SCML1: variants seen among roughly 807,000 people sequenced by gnomAD.
SCML1 encodes the protein Scm polycomb group protein like 1, also known as sex comb on midleg-like protein 1.
For synonymous variants in SCML1, 104 were observed against 103.6 expected (o/e 1.00, Z -0.02); for missense variants, 137 against 258.1 (o/e 0.53, Z 3.22).
intron 1 of SCML1, chrX:17,738,123 TA>T (rs2066557013): frequency 8.9e-6 from 1 of 112,720 alleles, no homozygotes; most frequent in Admixed American, 9.3e-5. Flanking sequence ...GCGTTTGATT[TA>T]GAGACAGACT....
chrX:17,741,568 T>A (rs2066595323), intron 1 of SCML1, among the ~76,000 whole-genome samples: 1 of 112,341 alleles, frequency 8.9e-6, no homozygotes, highest in Non-Finnish European at 1.9e-5. Context: ...AGTGTGGTGG[T>A]AGACTGCACC....
intron 1 of SCML1, 192 bp from the exon 2 acceptor site, chrX:17,743,879 T>C (rs2066622023): frequency 9.0e-6 from 2 of 222,032 alleles, no homozygotes; most frequent in Non-Finnish European, 1.6e-5. Context: ...GATTCTTATT[T>C]CTAGTCATGA....
chrX:17,740,756 G>A (rs138498539), intron 1 of SCML1, among the ~76,000 whole-genome samples: 64 of 112,623 alleles, frequency 5.7e-4, no homozygotes, highest in African/African-American at 1.9e-3. Flanking sequence ...TTGCTTTTTG[G>A]AGGTGAAACT....
At position 17,752,450 on chromosome X, in the gene SCML1, C is replaced by T. The variant is rs766445724; in HGVS notation, c.855+484C>T. On this transcript the variant is annotated intron_variant, in intron 7 of 7. Coordinates refer to ENST00000380041, the MANE Select transcript of SCML1 (RefSeq NM_001037540.3). ...CCATTTACAAAGTAATATCCTAGGC[C>T]GAAGTTTTGTAAGTTCTAGTTTCTT... Among the ~76,000 whole-genome samples the T allele has an allele frequency of 2.7e-5, 3 of 112,042 alleles. No individual in the cohort carries two copies. In the South Asian group the frequency reaches 1.1e-3, roughly 41 times the overall value.
intron 1 of SCML1, among the ~76,000 whole-genome samples, chrX:17,742,502 G>A (rs1045980640): frequency 1.8e-5 from 2 of 112,202 alleles, no homozygotes; most frequent in African/African-American, 3.2e-5. Flanking sequence ...TTGGTACTAT[G>A]TATTATCTGT....
At chrX:17,738,278 C>A (rs1385830080) in intron 1 of SCML1, among the ~76,000 whole-genome samples, 1 of 112,263 alleles carries the variant, frequency 8.9e-6, no homozygotes, top group Non-Finnish European at 1.9e-5. Flanking sequence ...CGTGCGAGGG[C>A]CCGGCCCCCT....
At chrX:17,741,783 A>G in intron 1 of SCML1, among the ~76,000 whole-genome samples, 1 of 111,254 alleles carries the variant, frequency 9.0e-6, no homozygotes, top group Non-Finnish European at 1.9e-5. Flanking sequence ...ACCAGAAACA[A>G]ACTAAGAACC....
In SCML1 at chrX:17,754,278, C is replaced by A. The variant is rs1330939091; in HGVS notation, c.*886C>A. The A allele has an allele frequency of 8.9e-6, 1 of 111,913 alleles. No individual in the cohort carries two copies. The highest frequency in any genetic ancestry group is 1.9e-5 in the Non-Finnish European group (1 of 53,090). The allele number at this position is 111,913 out of a possible 1,213,427, so 9.2% of individuals were successfully genotyped here. A position where few individuals can be genotyped will look rare whatever the true frequency, so the allele number is the denominator to read the frequency against. ...ATATTTTATTCTCACCCGAAGTATTCACACAATCTTTTTAAAAAAAATTTG... is the reference window on the plus strand; with the variant it reads ...ATATTTTATTCTCACCCGAAGTATTAACACAATCTTTTTAAAAAAAATTTG... On this transcript the variant is annotated 3_prime_UTR_variant, in exon 8 of 8. Transcript: ENST00000380041.
intron 1 of SCML1, among the ~76,000 whole-genome samples, chrX:17,742,323 T>G (rs940150275): frequency 1.8e-5 from 2 of 112,184 alleles, no homozygotes; most frequent in African/African-American, 6.5e-5. Context: ...ATGTAAGATC[T>G]TAGAAATAGA....
chrX:17,750,300 T>C lies in SCML1; in HGVS notation c.703+7T>C, dbSNP rs2066696630. On this transcript the variant is annotated splice_region_variant and intron_variant, in intron 6 of 7. Transcript: ENST00000380041. ...TCTGCAGCACCACCTTCAGGTATGCTGGCCCAGGGAGAGCCCAATTTGGTA... is the reference window on the plus strand; with the variant it reads ...TCTGCAGCACCACCTTCAGGTATGCCGGCCCAGGGAGAGCCCAATTTGGTA... 8.4e-6 allele frequency: 10 copies of C among 1,191,189 alleles called. No individual in the cohort carries two copies. The highest frequency in any genetic ancestry group is 1.0e-5 in the Non-Finnish European group (9 of 884,751).
rs1789248055 is a variant in SCML1 at position 17,754,170 on chromosome X, C to T, written c.*778C>T. ...ATAACTACACTTTCATTGTTTGCAT[C>T]TCTCTATGAAGATACGTCTGTCCAA... is the stretch of plus-strand genomic sequence containing the variant. On this transcript the variant is annotated 3_prime_UTR_variant, in exon 8 of 8. Transcript: ENST00000380041. The T allele has an allele frequency of 9.0e-6, 1 of 111,480 alleles. No individual in the cohort carries two copies. The highest frequency in any genetic ancestry group is 9.5e-5 in the Admixed American group (1 of 10,486). 9.2% of individuals were successfully genotyped at this position (111,480 alleles called of 1,213,427 possible). A position where few individuals can be genotyped will look rare whatever the true frequency, so the allele number is the denominator to read the frequency against.
At chrX:17,741,240 G>A (rs773951747) in intron 1 of SCML1, among the ~76,000 whole-genome samples, 4 of 111,762 alleles carry the variant, frequency 3.6e-5, no homozygotes, top group Non-Finnish European at 5.6e-5. Flanking sequence ...CCTCGCATGT[G>A]CAGTTCACAA....
intron 6 of SCML1, among the ~76,000 whole-genome samples, chrX:17,750,851 C>T (rs2066701613): frequency 8.9e-6 from 1 of 112,626 alleles, no homozygotes; most frequent in Non-Finnish European, 1.9e-5. Context: ...GTTGATGGTC[C>T]TGGTTGGAGA....
Position 17,745,992 on chromosome X carries a change from A to C in SCML1, c.118-26A>C, listed in dbSNP as rs758633076. On this transcript the variant is annotated intron_variant, in intron 3 of 7. Coordinates refer to ENST00000380041, the MANE Select transcript of SCML1 (RefSeq NM_001037540.3). Reference sequence around the variant, plus strand: ...AGTTTGGCTGTTACAGAAATAAATCATTAACTACTTTTAAAATATTAGCAG... The same window carrying C: ...AGTTTGGCTGTTACAGAAATAAATCCTTAACTACTTTTAAAATATTAGCAG... 4 of 1,026,891 alleles carry C rather than the reference A, an allele frequency of 3.9e-6. No individual in the cohort carries two copies. In the South Asian group the frequency reaches 8.9e-5, roughly 23 times the overall value. 84.6% of individuals were successfully genotyped at this position (1,026,891 alleles called of 1,213,427 possible).
At chrX:17,739,813 C>A (rs1349198767) in intron 1 of SCML1, among the ~76,000 whole-genome samples, 1 of 92,515 alleles carries the variant, frequency 1.1e-5, no homozygotes, top group Non-Finnish European at 2.0e-5. Flanking sequence ...CATGCCACTG[C>A]ACTCCAGCCT....
At chrX:17,745,281 A>G in intron 2 of SCML1, 175 bp from the exon 3 acceptor site, 1 of 399,890 alleles carries the variant, frequency 2.5e-6, no homozygotes, top group East Asian at 4.4e-5. Context: ...TAATGAGAAC[A>G]CAGTTCTGCA....
chrX:17,752,650 A>G (rs1369528683), intron 7 of SCML1, among the ~76,000 whole-genome samples: 1 of 112,503 alleles, frequency 8.9e-6, no homozygotes, highest in Non-Finnish European at 1.9e-5. Context: ...ATCAATTAAG[A>G]TAAGGAATTT....
chrX:17,744,426 A>G, intron 2 of SCML1: 1 of 336,640 alleles, frequency 3.0e-6, no homozygotes, highest in Non-Finnish European at 5.1e-6. Flanking sequence ...GGGTGAACAG[A>G]CAGAAGTTGA....
intron 1 of SCML1, among the ~76,000 whole-genome samples, chrX:17,742,829 T>C (rs1015660131): frequency 1.8e-5 from 2 of 112,307 alleles, no homozygotes; most frequent in Non-Finnish European, 3.8e-5. Context: ...GTAACTACAG[T>C]AGACCTAAAA....
Sources: allele counts gnomAD v4.1 joint callset (sites outside exome capture counted in the v4.1 genomes callset), GRCh38; gene constraint gnomAD v4.1.1; transcripts MANE v1.5; gene names NCBI Gene and HGNC (gene_info 2026-07-23, HGNC 2026-07-21).